MZB1: variants seen among roughly 807,000 people sequenced by gnomAD.
MZB1 encodes marginal zone B- and B1-cell-specific protein.
In MZB1, 10 loss-of-function variants were observed where a neutral mutation model predicts 17.2. That is an observed-to-expected ratio of 0.58 (90% confidence interval 0.36 to 0.98). MZB1 has a LOEUF of 0.98. MZB1 is among the 50% of genes least tolerant of loss of function. The pLI is 0.01. For missense variants in MZB1, 246 were observed against 237.5 expected (o/e 1.04, Z -0.23); for synonymous variants, 99 against 98.7 (o/e 1.00, Z -0.02).
In MZB1 at chr5:139,387,911, T is replaced by C; in HGVS notation, c.424A>G (p.Thr142Ala). Reference sequence around the variant, plus strand: ...AACTCCCCCAAGTAGTGCAAACATGTCCTGGAGAGCCTAGGGGAGCCCAGC... The same window carrying C: ...AACTCCCCCAAGTAGTGCAAACATGCCCTGGAGAGCCTAGGGGAGCCCAGC... ...GGPWPTRLSR[T>A]CLHYLGEFGE... Residue 142 changes from threonine to alanine, a missense_variant, in exon 4 of 4, where the codon ACA (threonine) becomes GCA (alanine). Coordinates refer to ENST00000302125, the MANE Select transcript of MZB1 (RefSeq NM_016459.4). The C allele has an allele frequency of 5.7e-6, 9 of 1,581,826 alleles. No homozygotes were observed. Among genetic ancestry groups the C allele is most frequent in the Non-Finnish European group, 7.7e-6 (9 of 1,167,722 alleles).
Position 139,389,731 on chromosome 5 carries a change from G to A in MZB1, c.126C>T (p.Ala42=), listed in dbSNP as rs2152076114. The A allele has an allele frequency of 6.3e-7, 1 of 1,575,878 alleles. No individual in the cohort carries two copies. The highest frequency in any genetic ancestry group is 8.6e-7 in the Non-Finnish European group (1 of 1,161,212). ...PQLDDEEMYS[A]HMPAHLRCDA... is the part of the protein sequence containing the mutation. ...CACAGCGCAGGTGAGCGGGCATGTG[G>A]GCTGAGTACATCTCCTCATCATCCA... The change falls in exon 1 of 4, where the codon GCC becomes GCT. Residue 42 remains alanine, a synonymous_variant. Transcript: ENST00000302125.
In MZB1 at chr5:139,387,689, C is replaced by T; in HGVS notation, c.*76G>A. The T allele has an allele frequency of 6.8e-7, 1 of 1,461,778 alleles. No individual in the cohort carries two copies. Among genetic ancestry groups the T allele is most frequent in the East Asian group, 2.5e-5 (1 of 39,718 alleles). The allele number at this position is 1,461,778 out of a possible 1,614,324, so 90.6% of individuals were successfully genotyped here. ...GCACAGAGCAAGGGCTTCCTGCCCT[C>T]CTGGCTGCCTGCAGACGGGAGTGGA... On this transcript the variant is annotated 3_prime_UTR_variant, in exon 4 of 4. Coordinates refer to ENST00000302125, the MANE Select transcript of MZB1 (RefSeq NM_016459.4).
rs776408421 is a variant in MZB1 at position 139,387,832 on chromosome 5, G to C, written c.503C>G (p.Ala168Gly). 9.4e-6 allele frequency: 15 copies of C among 1,600,526 alleles called. No individual in the cohort carries two copies. The South Asian group carries it at 1.7e-4, about 18-fold the overall frequency. ...CCCCTGGGGTCCCCCACATAGCAATGCCTCCAGAGCCCCTCGGCCTTGTTG... is the reference window on the plus strand; with the variant it reads ...CCCCTGGGGTCCCCCACATAGCAATCCCTCCAGAGCCCCTCGGCCTTGTTG... The part of the protein sequence containing the change: ...AHQQGRGALE[A>G]LLCGGPQGAC... Residue 168 changes from alanine to glycine, a missense_variant, in exon 4 of 4, where the codon GCA (alanine) becomes GGA (glycine). Ala to Gly is a moderately conservative substitution (Grantham distance 60, BLOSUM62 0). Transcript: ENST00000302125.
intron 1 of MZB1, chr5:139,389,209 A>C (rs564264568): frequency 1.3e-5 from 4 of 314,008 alleles, no homozygotes; most frequent in Non-Finnish European, 2.5e-5. Context: ...CAAGGTAAGA[A>C]AAACTGGAGC....
Position 139,387,511 on chromosome 5 carries a change from A to C in MZB1, c.*254T>G. The stretch of plus-strand genomic sequence containing the variant: ...TTTTTTTTTCACAAGGGACATCAGC[A>C]GAAACACCAATGTCTGCACTCCCAG... On this transcript the variant is annotated 3_prime_UTR_variant, in exon 4 of 4. Coordinates refer to ENST00000302125, the MANE Select transcript of MZB1 (RefSeq NM_016459.4). 2 of 344,372 alleles carry C rather than the reference A, an allele frequency of 5.8e-6. No individual in the cohort carries two copies. The highest frequency in any genetic ancestry group is 4.4e-5 in the East Asian group (1 of 22,600). The allele number at this position is 344,372 out of a possible 1,614,324, so 21.3% of individuals were successfully genotyped here. A position where few individuals can be genotyped will look rare whatever the true frequency, so the allele number is the denominator to read the frequency against.
intron 1 of MZB1, chr5:139,389,431 A>T (rs1417413887): frequency 1.5e-6 from 1 of 686,176 alleles, no homozygotes; most frequent in South Asian, 1.5e-5. Flanking sequence ...CTGGAAAGGG[A>T]GAAGTCTAAG....
At chr5:139,388,978 C>G (rs1025503641) in intron 1 of MZB1, 2 of 200,080 alleles carry the variant, frequency 1.0e-5, no homozygotes, top group South Asian at 7.6e-5. Context: ...TCAAGTGATT[C>G]TTCTCCCTCA....
rs912763786 is a variant in MZB1, at chr5:139,387,579, G to A, written c.*186C>T. 11 of 519,700 alleles carry A rather than the reference G, an allele frequency of 2.1e-5. No individual in the cohort carries two copies. The highest frequency in any genetic ancestry group is 3.0e-5 in the Non-Finnish European group (10 of 328,784). The allele number at this position is 519,700 out of a possible 1,614,324, so 32.2% of individuals were successfully genotyped here. A position where few individuals can be genotyped will look rare whatever the true frequency, so the allele number is the denominator to read the frequency against. On this transcript the variant is annotated 3_prime_UTR_variant, in exon 4 of 4. Coordinates refer to ENST00000302125, the MANE Select transcript of MZB1 (RefSeq NM_016459.4). ...GCAGAGAAAAGAAGTGAGGTCACTG[G>A]GTTTTATTTGAGTCCAGAGGGGAAG...
Position 139,387,709 on chromosome 5 carries a change from A to G in MZB1, c.*56T>C. ...GCCCTCCTGGCTGCCTGCAGACGGG[A>G]GTGGAGACCGTCAGAGCAAGCCCCA... On this transcript the variant is annotated 3_prime_UTR_variant, in exon 4 of 4. Transcript: ENST00000302125. 1 of 1,474,986 alleles carries G rather than the reference A, an allele frequency of 6.8e-7. No individual in the cohort carries two copies. Among genetic ancestry groups the G allele is most frequent in the Non-Finnish European group, 9.0e-7 (1 of 1,115,764 alleles). The allele number at this position is 1,474,986 out of a possible 1,614,324, so 91.4% of individuals were successfully genotyped here. A position where few individuals can be genotyped will look rare whatever the true frequency, so the allele number is the denominator to read the frequency against.
chr5:139,388,723 G>C (rs1758556119), intron 1 of MZB1, 138 bp from the exon 2 acceptor site: 3 of 1,388,200 alleles, frequency 2.2e-6, no homozygotes, highest in Non-Finnish European at 9.6e-7. Context: ...CTGTGAGGCT[G>C]TTGCATGGCC....
In MZB1 at chr5:139,387,857, G is replaced by A. The variant is rs1402031540; in HGVS notation, c.478C>T (p.Gln160Ter). Reference protein sequence around the residue: ...FGEDQIYEAHQQGRGALEALL... With the variant: ...FGEDQIYEAH ...GCCTCCAGAGCCCCTCGGCCTTGTT[G>A]GTGGGCTTCATAGATCTGGTCTTCT... Residue 160 changes from glutamine (Q) to a stop codon, truncating the protein, a stop_gained, in exon 4 of 4, where the codon CAA (glutamine) becomes TAA (stop). Transcript: ENST00000302125. LOFTEE classifies it low-confidence loss of function (END_TRUNC). 1.2e-6 allele frequency: 2 copies of A among 1,606,754 alleles called. No individual in the cohort carries two copies.
At chr5:139,388,166 G>A in intron 2 of MZB1, 35 bp from the exon 3 acceptor site, 4 of 1,535,528 alleles carry the variant, frequency 2.6e-6, no homozygotes, top group Non-Finnish European at 3.5e-6. Context: ...GTACAGTTTT[G>A]GCAGGAGCCC....
At position 139,388,123 on chromosome 5, in the gene MZB1, AC is replaced by A. The variant is rs1469517044; in HGVS notation, c.310del (p.Val104PhefsTer7). 6.4e-7 allele frequency: 1 copy of A among 1,550,464 alleles called. No homozygotes were observed. The highest frequency in any genetic ancestry group is 8.7e-7 in the Non-Finnish European group (1 of 1,147,080). Reference sequence around the variant, plus strand: ...ACGTTTCACTTGGTCCACTTCTCGAACTCCGTAGCTGGTGGCAGTGGAGAGG... The same window carrying A: ...ACGTTTCACTTGGTCCACTTCTCGAATCCGTAGCTGGTGGCAGTGGAGAGG... ...SCSRNWQDYG[V>X]REVDQVKRLT... On this transcript the variant is annotated frameshift_variant, in exon 3 of 4. Coordinates refer to ENST00000302125, the MANE Select transcript of MZB1 (RefSeq NM_016459.4). LOFTEE classifies it high-confidence loss of function.
Position 139,387,749 on chromosome 5 carries a change from A to T in MZB1, c.*16T>A, listed in dbSNP as rs1346106387. 1 of 1,504,784 alleles carries T rather than the reference A, an allele frequency of 6.6e-7. No individual in the cohort carries two copies. Among genetic ancestry groups the T allele is most frequent in the Non-Finnish European group, 8.8e-7 (1 of 1,133,182 alleles). The allele number at this position is 1,504,784 out of a possible 1,614,324, so 93.2% of individuals were successfully genotyped here. A position where few individuals can be genotyped will look rare whatever the true frequency, so the allele number is the denominator to read the frequency against. ...AGCAAGCCCCAGCTTCTTTCAGAGG[A>T]GGGTAGAGTCCAGGACTAGAGCTCT... is the stretch of plus-strand genomic sequence containing the variant. On this transcript the variant is annotated 3_prime_UTR_variant, in exon 4 of 4. Transcript: ENST00000302125.
At chr5:139,389,180 C>A in intron 1 of MZB1, 1 of 297,024 alleles carries the variant, frequency 3.4e-6, no homozygotes, top group Non-Finnish European at 6.7e-6. Flanking sequence ...CCGGCACGTG[C>A]CATTTTAAAC....
chr5:139,387,774 T>C lies in MZB1; in HGVS notation c.561A>G (p.Glu187=). Residue 187 remains glutamate (E), a synonymous_variant, in exon 4 of 4, where the codon GAA becomes GAG. Transcript: ENST00000302125. ...AGGGTAGAGTCCAGGACTAGAGCTC[T>C]TCTCTTGTGGCTGACACCTTCTCTG... ...ACSEKVSATR[E]EL 6.5e-7 allele frequency: 1 copy of C among 1,544,588 alleles called. No homozygotes were observed.
chr5:139,388,530 C>T lies in MZB1; in HGVS notation c.233G>A (p.Gly78Glu), dbSNP rs1199148294. Reference protein sequence around the residue: ...ETKLHTSNSGGRRELSELVYT... With the variant: ...ETKLHTSNSGERRELSELVYT... ...GACCAACTCGCTCAGCTCCCGCCGC[C>T]CCCCAGAGTTTGAGGTATGAAGTTT... The change falls in exon 2 of 4, where the codon GGG becomes GAG. Residue 78 changes from glycine to glutamate, a missense_variant. Gly to Glu is a moderately conservative substitution (Grantham distance 98). Coordinates refer to ENST00000302125, the MANE Select transcript of MZB1 (RefSeq NM_016459.4). The T allele has an allele frequency of 6.2e-7, 1 of 1,601,104 alleles. No individual in the cohort carries two copies. Among genetic ancestry groups the T allele is most frequent in the Admixed American group, 1.7e-5 (1 of 58,034 alleles).
Position 139,389,859 on chromosome 5 carries a change from C to A in MZB1, c.-3G>T. The A allele has an allele frequency of 6.5e-7, 1 of 1,542,530 alleles. No homozygotes were observed. On this transcript the variant is annotated 5_prime_UTR_variant, in exon 1 of 4. Transcript: ENST00000302125. ...AGCAGTGGCAGTGACAGCCTCATGG[C>A]CCCAGGAGCCAGTTCAGCAAGTGTA...
At position 139,387,631 on chromosome 5, in the gene MZB1, G is replaced by A. The variant is rs1410932481; in HGVS notation, c.*134C>T. ...CGTTGACTCCCACCCAGGCCCGAGTGCCCTGAGGCTGGAGGAGGGAGGCAG... is the reference window on the plus strand; with the variant it reads ...CGTTGACTCCCACCCAGGCCCGAGTACCCTGAGGCTGGAGGAGGGAGGCAG... On this transcript the variant is annotated 3_prime_UTR_variant, in exon 4 of 4. Coordinates refer to ENST00000302125, the MANE Select transcript of MZB1 (RefSeq NM_016459.4). The A allele has an allele frequency of 1.7e-6, 2 of 1,150,034 alleles. No homozygotes were observed. Among genetic ancestry groups the A allele is most frequent in the Admixed American group, 3.0e-5 (1 of 33,846 alleles). The allele number at this position is 1,150,034 out of a possible 1,614,324, so 71.2% of individuals were successfully genotyped here.
Sources: gnomAD v4.1 joint callset for allele counts on GRCh38, gnomAD v4.1.1 for gene constraint, MANE v1.5 for transcripts, NCBI Gene and HGNC (gene_info 2026-07-23, HGNC 2026-07-21) for gene names.